ALDH1A1: variants seen among roughly 807,000 people sequenced by gnomAD.
ALDH1A1 encodes aldehyde dehydrogenase 1 family member A1, also known as aldehyde dehydrogenase 1A1.
In ALDH1A1, 19 loss-of-function variants were observed where a neutral mutation model predicts 62.1. That is an observed-to-expected ratio of 0.31 (90% CI 0.21 to 0.45). The LOEUF (loss-of-function observed/expected upper bound fraction) is 0.45. Among genes scored for constraint, ALDH1A1 ranks in the 20% least tolerant of loss-of-function variants. ALDH1A1 has a pLI of 1.00. For synonymous variants in ALDH1A1, 231 were observed against 215.9 expected (o/e 1.07, Z -0.61); for missense variants, 521 against 607.1 (o/e 0.86, Z 1.49).
chr9:72,922,564 C>T (rs563679814), intron 7 of ALDH1A1, among the ~76,000 whole-genome samples: 10 of 151,898 alleles, frequency 6.6e-5, no homozygotes, highest in African/African-American at 1.9e-4. Flanking sequence ...TTGTCTTGGG[C>T]CACACAAAAA....
At chr9:72,923,009 T>C (rs1396432246) in intron 7 of ALDH1A1, among the ~76,000 whole-genome samples, 1 of 152,214 alleles carries the variant, frequency 6.6e-6, no homozygotes, top group Non-Finnish European at 1.5e-5. Flanking sequence ...TTGCCTTTAT[T>C]CTGGAGTAAA....
At chr9:72,916,304 C>G (rs1830062809) in intron 9 of ALDH1A1, among the ~76,000 whole-genome samples, 2 of 152,050 alleles carry the variant, frequency 1.3e-5, no homozygotes, top group South Asian at 4.1e-4. Context: ...GAGAACTATG[C>G]AAGGAAGAGG....
chr9:72,930,301 T>G (rs1830264772), intron 3 of ALDH1A1, among the ~76,000 whole-genome samples: 1 of 152,004 alleles, frequency 6.6e-6, no homozygotes, highest in African/African-American at 2.4e-5. Flanking sequence ...TAAACCACAT[T>G]AATAATTGGA....
At chr9:72,938,507 T>C (rs348451) in intron 2 of ALDH1A1, among the ~76,000 whole-genome samples, 143,526 of 152,238 alleles carry the variant, frequency 0.94, 68,110 homozygotes, top group Non-Finnish European at 0.99. Flanking sequence ...ACTGCAATGA[T>C]GCGATCTCGG....
chr9:72,910,353 T>C (rs1281716227), intron 10 of ALDH1A1, among the ~76,000 whole-genome samples: 5 of 152,196 alleles, frequency 3.3e-5, no homozygotes, highest in African/African-American at 1.2e-4. Flanking sequence ...GTCTACTCTG[T>C]AGCAAAATCT....
intron 11 of ALDH1A1, 89 bp from the exon 12 acceptor site, chr9:72,906,121 T>C: frequency 1.1e-6 from 1 of 884,270 alleles, no homozygotes. Flanking sequence ...GGAAAGCTCC[T>C]TACAAACTCC....
At chr9:72,917,630 A>G (rs1297989778) in intron 8 of ALDH1A1, among the ~76,000 whole-genome samples, 1 of 152,110 alleles carries the variant, frequency 6.6e-6, no homozygotes, top group Non-Finnish European at 1.5e-5. Context: ...AGAATCACTC[A>G]CTCACCTTAT....
intron 12 of ALDH1A1, 138 bp downstream of exon 12, chr9:72,905,820 A>G: frequency 1.6e-6 from 1 of 640,458 alleles, no homozygotes. Flanking sequence ...CACATTTAAT[A>G]AGCTATTTGG....
intron 5 of ALDH1A1, 69 bp downstream of exon 5, chr9:72,927,047 A>T: frequency 1.8e-6 from 2 of 1,115,246 alleles, no homozygotes; most frequent in South Asian, 3.2e-5. Context: ...TTTTAGAGAA[A>T]GCTTCATCAT....
intron 12 of ALDH1A1, among the ~76,000 whole-genome samples, chr9:72,905,176 C>A (rs193113138): frequency 1.3e-5 from 2 of 152,076 alleles, no homozygotes; most frequent in African/African-American, 4.8e-5. Flanking sequence ...TTTCTTTTTT[C>A]TTCATAAATG....
intron 9 of ALDH1A1, among the ~76,000 whole-genome samples, chr9:72,916,604 A>C (rs1830067696): frequency 6.6e-6 from 1 of 152,188 alleles, no homozygotes; most frequent in Non-Finnish European, 1.5e-5. Context: ...AAGTGGACAG[A>C]GAACTGTATA....
chr9:72,935,007 A>G (rs1267336084), intron 2 of ALDH1A1, among the ~76,000 whole-genome samples: 1 of 152,140 alleles, frequency 6.6e-6, no homozygotes, highest in Admixed American at 6.5e-5. Flanking sequence ...CAATAAATAA[A>G]TTTTGAATAA....
chr9:72,938,296 A>G (rs348454), intron 2 of ALDH1A1, among the ~76,000 whole-genome samples: 142,241 of 152,212 alleles, frequency 0.93, 66,679 homozygotes, highest in Non-Finnish European at 0.97. Context: ...GAAATTTAAA[A>G]CTTGGCAACC....
chr9:72,930,600 A>G (rs1247022387), intron 3 of ALDH1A1, among the ~76,000 whole-genome samples: 1 of 152,172 alleles, frequency 6.6e-6, no homozygotes, highest in African/African-American at 2.4e-5. Flanking sequence ...AGAAGTTTTA[A>G]GGTAAAGAAA....
At chr9:72,935,096 A>T (rs1472741993) in intron 2 of ALDH1A1, among the ~76,000 whole-genome samples, 1 of 152,158 alleles carries the variant, frequency 6.6e-6, no homozygotes, top group Non-Finnish European at 1.5e-5. Flanking sequence ...ATTTAACTAC[A>T]TTGGCATTTA....
intron 11 of ALDH1A1, among the ~76,000 whole-genome samples, chr9:72,908,191 G>T (rs373341386): frequency 6.6e-6 from 1 of 151,834 alleles, no homozygotes; most frequent in Non-Finnish European, 1.5e-5. Flanking sequence ...AGGCCAAGGC[G>T]GATGGATCAC....
At chr9:72,907,395 A>G (rs897173061) in intron 11 of ALDH1A1, among the ~76,000 whole-genome samples, 3 of 152,340 alleles carry the variant, frequency 2.0e-5, no homozygotes, top group Non-Finnish European at 4.4e-5. Context: ...TGTAGTAACA[A>G]GATGGTCCCC....
intron 7 of ALDH1A1, among the ~76,000 whole-genome samples, chr9:72,923,498 G>C (rs1037937313): frequency 1.5e-4 from 23 of 152,012 alleles, no homozygotes; most frequent in African/African-American, 5.6e-4. Context: ...CTTTGTGGTT[G>C]GGGTCTTTTT....
chr9:72,922,111 G>A (rs554799094), intron 7 of ALDH1A1, among the ~76,000 whole-genome samples: 13 of 152,232 alleles, frequency 8.5e-5, no homozygotes, highest in Non-Finnish European at 1.8e-4. Context: ...ACTAGTGTGC[G>A]AAATTAAAAA....
Sources: allele counts gnomAD v4.1 joint callset (sites outside exome capture counted in the v4.1 genomes callset), GRCh38; gene constraint gnomAD v4.1.1; transcripts MANE v1.5; gene names NCBI Gene and HGNC (gene_info 2026-07-23, HGNC 2026-07-21).